Variants in ZNF98 observed in about 807,000 individuals in gnomAD.
The protein encoded by ZNF98 is zinc finger protein 739.
ZNF98 carries 8 observed loss-of-function variants against 12.8 expected under a neutral mutation model. The ratio of observed to expected loss-of-function variants is 0.63; its 90% confidence interval spans 0.37 to 1.13. The LOEUF is 1.13. Ranked by LOEUF, ZNF98 falls within the 50% of genes most tolerant of loss-of-function variation. The pLI is 0.01. For missense variants in ZNF98, 379 were observed against 666.1 expected (o/e 0.57, Z 4.74); for synonymous variants, 112 against 223.5 (o/e 0.50, Z 4.45).
intron 1 of ZNF98, among the ~76,000 whole-genome samples, chr19:22,407,755 C>T (rs1217857662): frequency 6.6e-6 from 1 of 151,286 alleles, no homozygotes; most frequent in Non-Finnish European, 1.5e-5. Flanking sequence ...AACTGGCAAA[C>T]CAAATCCAGC....
At chr19:22,407,034 T>A (rs1444736403) in intron 1 of ZNF98, among the ~76,000 whole-genome samples, 2 of 151,572 alleles carry the variant, frequency 1.3e-5, no homozygotes, top group Non-Finnish European at 2.9e-5. Context: ...AGAACCTTGA[T>A]AAAAAGTTAG....
At chr19:22,412,766 C>T (rs981133965) in intron 1 of ZNF98, among the ~76,000 whole-genome samples, 6 of 151,876 alleles carry the variant, frequency 4.0e-5, no homozygotes, top group Non-Finnish European at 8.8e-5. Context: ...ATTCAACATA[C>T]ACGAGGTGGG....
At chr19:22,398,130 A>G (rs1408384338) in intron 3 of ZNF98, among the ~76,000 whole-genome samples, 4 of 152,212 alleles carry the variant, frequency 2.6e-5, no homozygotes, top group Non-Finnish European at 5.9e-5. Flanking sequence ...GTTTGAAAAA[A>G]AGCAGGAAAT....
In ZNF98 at chr19:22,403,496, C is replaced by T. The variant is rs771492204; in HGVS notation, c.47G>A (p.Arg16Lys). 142 of 1,602,208 alleles carry T rather than the reference C, an allele frequency of 8.9e-5. No individual in the cohort carries two copies. Among genetic ancestry groups the T allele is most frequent in the Non-Finnish European group, 1.2e-4 (140 of 1,177,062 alleles). The change falls in exon 2 of 4, where the codon AGG (arginine) becomes AAG (lysine). Residue 16 changes from arginine (R) to lysine (K), a missense_variant. This residue lies in a region of ZNF98 where 223 missense variants were observed against 261.6 expected (regional missense o/e 0.85). Coordinates refer to ENST00000357774, the MANE Select transcript of ZNF98 (RefSeq NM_001098626.2). Reference sequence around the variant, plus strand: ...CAGAGAGAATTCTAAGGCCACATCCCTAAATGTCAACACTCCCTGAAAAAC... The same window carrying T: ...CAGAGAGAATTCTAAGGCCACATCCTTAAATGTCAACACTCCCTGAAAAAC... ...GSLEMGVLTF[R>K]DVALEFSLEE...
At chr19:22,412,579 C>T (rs1055637262) in intron 1 of ZNF98, among the ~76,000 whole-genome samples, 1 of 146,454 alleles carries the variant, frequency 6.8e-6, no homozygotes, top group Non-Finnish European at 1.5e-5. Context: ...CATTTCTGAA[C>T]GGAAGGAGAT....
At chr19:22,406,687 C>G (rs7247220) in intron 1 of ZNF98, among the ~76,000 whole-genome samples, 65,211 of 151,538 alleles carry the variant, frequency 0.43, 14,235 homozygotes, top group Non-Finnish European at 0.46. Flanking sequence ...CATGGTAGTC[C>G]GCACCTGTAG....
intron 1 of ZNF98, among the ~76,000 whole-genome samples, chr19:22,418,278 T>TGATA (rs1260328525): frequency 5.3e-5 from 8 of 152,118 alleles, no homozygotes; most frequent in Non-Finnish European, 8.8e-5. Flanking sequence ...TTTCATAATT[T>TGATA]GATAGAGCTA....
intron 1 of ZNF98, among the ~76,000 whole-genome samples, chr19:22,407,790 G>A (rs1969538187): frequency 6.6e-6 from 1 of 151,732 alleles, no homozygotes; most frequent in Non-Finnish European, 1.5e-5. Flanking sequence ...CATCCACCAG[G>A]TCGGGCGCGG....
chr19:22,399,654 A>T (rs907585306), intron 3 of ZNF98, among the ~76,000 whole-genome samples: 2 of 152,198 alleles, frequency 1.3e-5, no homozygotes, highest in African/African-American at 4.8e-5. Context: ...ATAACATGTC[A>T]ATTTTAGTAT....
At chr19:22,414,016 T>A (rs1969610710) in intron 1 of ZNF98, among the ~76,000 whole-genome samples, 1 of 150,560 alleles carries the variant, frequency 6.6e-6, no homozygotes, top group Non-Finnish European at 1.5e-5. Flanking sequence ...AGCGGCTGGA[T>A]CACAAGGTCA....
intron 3 of ZNF98, among the ~76,000 whole-genome samples, chr19:22,396,711 A>C (rs1315596479): frequency 1.3e-5 from 2 of 152,232 alleles, no homozygotes; most frequent in Admixed American, 1.3e-4. Context: ...GAATCAAATG[A>C]GAGCAGAAGA....
chr19:22,408,389 A>C (rs1318923657), intron 1 of ZNF98, among the ~76,000 whole-genome samples: 3 of 152,214 alleles, frequency 2.0e-5, no homozygotes, highest in Non-Finnish European at 4.4e-5. Flanking sequence ...GTACAAGACA[A>C]GGATGCCCTT....
Position 22,422,325 on chromosome 19 carries a change from G to A in ZNF98, c.-101C>T, listed in dbSNP as rs901868337. 17 of 1,426,930 alleles carry A rather than the reference G, an allele frequency of 1.2e-5. No individual in the cohort carries two copies. The highest frequency in any genetic ancestry group is 1.7e-5 in the Non-Finnish European group (17 of 1,018,198). The allele number at this position is 1,426,930 out of a possible 1,614,324, so 88.4% of individuals were successfully genotyped here. On this transcript the variant is annotated 5_prime_UTR_variant, in exon 1 of 4. Coordinates refer to ENST00000357774, the MANE Select transcript of ZNF98 (RefSeq NM_001098626.2). The stretch of plus-strand genomic sequence containing the variant: ...GGGCGAAGACGAGACCAGGAACTCC[G>A]GCTGCAGCGAGAGACAAAGACCCCG...
intron 1 of ZNF98, among the ~76,000 whole-genome samples, chr19:22,410,413 T>C (rs765794071): frequency 1.3e-5 from 2 of 152,162 alleles, no homozygotes; most frequent in Non-Finnish European, 2.9e-5. Context: ...TGGAATACTA[T>C]GCAGCCATAC....
Position 22,392,977 on chromosome 19 carries a change from T to G in ZNF98, c.258A>C (p.Val86=), listed in dbSNP as rs202119761. 1 of 1,506,306 alleles carries G rather than the reference T, an allele frequency of 6.6e-7. No individual in the cohort carries two copies. The highest frequency in any genetic ancestry group is 1.4e-5 in the South Asian group (1 of 69,864). 93.3% of individuals were successfully genotyped at this position (1,506,306 alleles called of 1,614,324 possible). ...AAAGGTCTTGGGCAAAATAAGAATA[T>G]ACAACTGAAAGAAATAAAAATAATA... ...RHEMVTEPPV[V]YSYFAQDLWP... is the part of the protein sequence containing the mutation. The change falls in exon 4 of 4, where the codon GTA becomes GTC. Residue 86 remains valine, a synonymous_variant. Transcript: ENST00000357774.
chr19:22,411,697 A>G (rs1340737983), intron 1 of ZNF98, among the ~76,000 whole-genome samples: 1 of 152,230 alleles, frequency 6.6e-6, no homozygotes, highest in African/African-American at 2.4e-5. Context: ...TCTACATATA[A>G]TCTAAATGCG....
At chr19:22,414,818 C>T (rs900132252) in intron 1 of ZNF98, among the ~76,000 whole-genome samples, 10 of 151,666 alleles carry the variant, frequency 6.6e-5, no homozygotes, top group African/African-American at 2.2e-4. Context: ...ACACAGAAGC[C>T]GGCAAAAATT....
At chr19:22,403,890 A>C (rs4024617) in intron 1 of ZNF98, among the ~76,000 whole-genome samples, 2,487 of 143,756 alleles carry the variant, frequency 0.017, 75 homozygotes, top group African/African-American at 0.062. Context: ...TTAATGTGTA[A>C]AATAAACTGG....
At chr19:22,405,260 A>G (rs905749543) in intron 1 of ZNF98, among the ~76,000 whole-genome samples, 7 of 129,294 alleles carry the variant, frequency 5.4e-5, no homozygotes, top group Non-Finnish European at 8.2e-5. Context: ...CATCTGAGAC[A>G]TGCTTAGCTA....
Sources: allele counts gnomAD v4.1 joint callset (sites outside exome capture counted in the v4.1 genomes callset), GRCh38; gene constraint gnomAD v4.1.1; regional missense constraint gnomAD v4.1.1; transcripts MANE v1.5; gene names NCBI Gene and HGNC (gene_info 2026-07-23, HGNC 2026-07-21).